UNC5D: variants seen among roughly 807,000 people sequenced by gnomAD.
The protein encoded by UNC5D is unc-5 netrin receptor D, also known as netrin receptor UNC5D.
In UNC5D, 39 loss-of-function variants were observed where a neutral mutation model predicts 105.4. The observed-to-expected ratio is 0.37, with a 90% CI of 0.29 to 0.48. The LOEUF is 0.48. UNC5D is among the 20% of genes least tolerant of loss of function. UNC5D has a pLI of 0.98. For synonymous variants in UNC5D, 452 were observed against 450.4 expected (o/e 1.00, Z -0.04); for missense variants, 991 against 1,202.4 (o/e 0.82, Z 2.60).
At chr8:35,540,446 T>TGG (rs1815193502) in intron 1 of UNC5D, among the ~76,000 whole-genome samples, 2 of 109,386 alleles carry the variant, frequency 1.8e-5, no homozygotes, top group South Asian at 4.7e-4. Flanking sequence ...AGCAGAGGGG[T>TGG]GTGTGTGTGT....
intron 14 of UNC5D, among the ~76,000 whole-genome samples, chr8:35,760,422 TA>T (rs533251430): frequency 0.046 from 6,823 of 147,310 alleles, 375 homozygotes; most frequent in African/African-American, 0.13. Flanking sequence ...ATTAGAGATT[TA>T]AAAAAAAAAA....
At chr8:35,328,011 G>A (rs2980378) in intron 1 of UNC5D, among the ~76,000 whole-genome samples, 50,220 of 152,006 alleles carry the variant, frequency 0.33, 9,938 homozygotes, top group Middle Eastern at 0.45. Flanking sequence ...AAAGGTTTTC[G>A]TGGACATTTC....
chr8:35,656,821 G>A (rs1350034714), intron 4 of UNC5D, among the ~76,000 whole-genome samples: 1 of 151,994 alleles, frequency 6.6e-6, no homozygotes, highest in Non-Finnish European at 1.5e-5. Context: ...GCTATAGTTT[G>A]TCAATCTTTA....
At chr8:35,326,902 A>G (rs1355108822) in intron 1 of UNC5D, among the ~76,000 whole-genome samples, 1 of 152,184 alleles carries the variant, frequency 6.6e-6, no homozygotes, top group Admixed American at 6.5e-5. Context: ...TGGCAAATAC[A>G]TATGTGTATT....
chr8:35,419,258 C>T (rs971592510), intron 1 of UNC5D, among the ~76,000 whole-genome samples: 3 of 152,150 alleles, frequency 2.0e-5, no homozygotes, highest in African/African-American at 7.2e-5. Flanking sequence ...GCTGCTTCAC[C>T]AGCCAGAAAT....
At chr8:35,286,027 G>A (rs940305164) in intron 1 of UNC5D, among the ~76,000 whole-genome samples, 1 of 151,998 alleles carries the variant, frequency 6.6e-6, no homozygotes. Flanking sequence ...GATTTATGAG[G>A]CCCCAAAGTT....
intron 1 of UNC5D, among the ~76,000 whole-genome samples, chr8:35,443,812 A>G (rs1006708548): frequency 3.3e-5 from 5 of 152,118 alleles, no homozygotes; most frequent in African/African-American, 1.2e-4. Flanking sequence ...ACAGTTCTCC[A>G]TGGAAGTGTA....
intron 10 of UNC5D, 138 bp downstream of exon 10, chr8:35,726,667 A>G (rs959477192): frequency 6.8e-6 from 9 of 1,331,874 alleles, no homozygotes; most frequent in Non-Finnish European, 9.2e-6. Context: ...CCACTAGTCC[A>G]CTTGATTTAC....
At position 35,679,852 on chromosome 8, in the gene UNC5D, G is replaced by A. The variant is rs374414567; in HGVS notation, c.571-3695G>A. The stretch of plus-strand genomic sequence containing the variant: ...AAGGGAAAGAAATTTATTTCTTACC[G>A]TTCTGGAGGCTGAGAAATCCAAGGT... On this transcript the variant is annotated intron_variant, in intron 4 of 16. Transcript: ENST00000404895. Among the ~76,000 whole-genome samples the A allele has an allele frequency of 2.1e-4, 32 of 152,196 alleles. No homozygotes were observed. The South Asian group carries it at 3.7e-3, about 18-fold the overall frequency.
At chr8:35,310,252 T>A (rs776105423) in intron 1 of UNC5D, among the ~76,000 whole-genome samples, 1 of 152,154 alleles carries the variant, frequency 6.6e-6, no homozygotes, top group Non-Finnish European at 1.5e-5. Context: ...TCCCAATAAA[T>A]GCGTAAATGA....
At chr8:35,448,971 C>T (rs959655620) in intron 1 of UNC5D, among the ~76,000 whole-genome samples, 3 of 152,000 alleles carry the variant, frequency 2.0e-5, no homozygotes, top group Non-Finnish European at 4.4e-5. Context: ...AGTAGTATTC[C>T]GTGGTGTGTG....
At chr8:35,715,206 T>C (rs1319514492) in intron 8 of UNC5D, among the ~76,000 whole-genome samples, 1 of 152,142 alleles carries the variant, frequency 6.6e-6, no homozygotes, top group East Asian at 1.9e-4. Flanking sequence ...TGATAAGTGA[T>C]TGATAAGATA....
chr8:35,273,909 C>G (rs777072980), intron 1 of UNC5D, among the ~76,000 whole-genome samples: 34 of 152,118 alleles, frequency 2.2e-4, no homozygotes, highest in Non-Finnish European at 3.7e-4. Context: ...ACAGGCTTAA[C>G]AACCCAAAGC....
At chr8:35,340,258 T>C (rs1357089718) in intron 1 of UNC5D, among the ~76,000 whole-genome samples, 1 of 152,096 alleles carries the variant, frequency 6.6e-6, no homozygotes, top group Non-Finnish European at 1.5e-5. Context: ...CTGTCTCTGA[T>C]AGCAGGAATA....
At chr8:35,626,476 A>G (rs1821706141) in intron 4 of UNC5D, among the ~76,000 whole-genome samples, 1 of 152,198 alleles carries the variant, frequency 6.6e-6, no homozygotes, top group Admixed American at 6.5e-5. Context: ...AAACCATGGA[A>G]ACCATGCTCC....
chr8:35,569,946 G>C (rs1004301041), intron 3 of UNC5D, among the ~76,000 whole-genome samples: 1 of 151,956 alleles, frequency 6.6e-6, no homozygotes, highest in Non-Finnish European at 1.5e-5. Flanking sequence ...CTGAACTACT[G>C]TAAATAGCTT....
At chr8:35,317,043 A>T (rs1282172913) in intron 1 of UNC5D, among the ~76,000 whole-genome samples, 3 of 152,204 alleles carry the variant, frequency 2.0e-5, no homozygotes, top group Non-Finnish European at 2.9e-5. Flanking sequence ...AAACGTAGAC[A>T]GCAGATATTT....
chr8:35,787,060 A>C (rs1466211663), intron 16 of UNC5D, among the ~76,000 whole-genome samples: 1 of 152,198 alleles, frequency 6.6e-6, no homozygotes, highest in Non-Finnish European at 1.5e-5. Flanking sequence ...CTGTTTTTGC[A>C]ATACCAAGGC....
chr8:35,650,202 G>A (rs545922087), intron 4 of UNC5D, among the ~76,000 whole-genome samples: 2 of 152,286 alleles, frequency 1.3e-5, no homozygotes, highest in African/African-American at 4.8e-5. Flanking sequence ...CATAGCTCCA[G>A]GAATATAGAA....
Sources: allele counts gnomAD v4.1 joint callset (sites outside exome capture counted in the v4.1 genomes callset), GRCh38; gene constraint gnomAD v4.1.1; transcripts MANE v1.5; gene names NCBI Gene and HGNC (gene_info 2026-07-23, HGNC 2026-07-21).